Variants in DOCK9 observed in about 807,000 individuals in gnomAD.
DOCK9 encodes the protein dedicator of cytokinesis protein 9.
In DOCK9, 89 loss-of-function variants were observed where a neutral mutation model predicts 263.3. The ratio of observed to expected loss-of-function variants is 0.34; its 90% confidence interval spans 0.28 to 0.40. The LOEUF (loss-of-function observed/expected upper bound fraction) is 0.40. DOCK9 is among the 10% of genes least tolerant of loss of function. The pLI is 1.00. For missense variants in DOCK9, 2,140 were observed against 2,603.4 expected (o/e 0.82, Z 3.87); for synonymous variants, 976 against 973.1 (o/e 1.00, Z -0.06).
At chr13:98,877,385 C>G (rs965014843) in intron 27 of DOCK9, among the ~76,000 whole-genome samples, 4 of 152,194 alleles carry the variant, frequency 2.6e-5, no homozygotes, top group Non-Finnish European at 5.9e-5. Flanking sequence ...AGAAAGGTGT[C>G]ACTGGCGCTT....
intron 27 of DOCK9, among the ~76,000 whole-genome samples, chr13:98,870,579 A>C (rs1334748286): frequency 1.3e-5 from 2 of 152,204 alleles, no homozygotes; most frequent in African/African-American, 4.8e-5. Flanking sequence ...AAAACCAGGA[A>C]AAGTAGATGG....
rs186899348 is a variant in DOCK9, at chr13:98,876,504, T to C, written c.2943+3394A>G. Among the ~76,000 whole-genome samples the C allele has an allele frequency of 9.0e-4, 137 of 152,236 alleles. 2 individuals carry two copies. The highest frequency in any genetic ancestry group is 3.2e-3 in the African/African-American group (134 of 41,540). Reference sequence around the variant, plus strand: ...AAAAAATATTAAGGTCAGAATAAATTAATAATTTTGGTCTAAAAATATTAA... The same window carrying C: ...AAAAAATATTAAGGTCAGAATAAATCAATAATTTTGGTCTAAAAATATTAA... On this transcript the variant is annotated intron_variant, in intron 27 of 52. Transcript: ENST00000682017.
intron 1 of DOCK9, among the ~76,000 whole-genome samples, chr13:99,033,433 G>A (rs746285170): frequency 3.3e-5 from 5 of 152,198 alleles, no homozygotes; most frequent in Non-Finnish European, 5.9e-5. Context: ...ATGCATGAGC[G>A]GGAATGCCCG....
intron 2 of DOCK9, among the ~76,000 whole-genome samples, chr13:98,945,611 A>C (rs531425165): frequency 2.7e-4 from 41 of 152,320 alleles, no homozygotes; most frequent in African/African-American, 9.1e-4. Context: ...CCACCATCAC[A>C]GCCATCCATC....
intron 1 of DOCK9, among the ~76,000 whole-genome samples, chr13:98,969,550 C>T (rs2059530022): frequency 6.6e-6 from 1 of 152,118 alleles, no homozygotes; most frequent in South Asian, 2.1e-4. Context: ...GCAGAAGCCC[C>T]GTTAGTGAGG....
At chr13:98,810,816 G>C (rs1197556375) in intron 45 of DOCK9, among the ~76,000 whole-genome samples, 2 of 152,182 alleles carry the variant, frequency 1.3e-5, no homozygotes, top group Non-Finnish European at 2.9e-5. Flanking sequence ...TAAAACCCTT[G>C]AACTTTGGAG....
chr13:98,932,424 AAAC>A, intron 2 of DOCK9, among the ~76,000 whole-genome samples: 1 of 152,084 alleles, frequency 6.6e-6, no homozygotes, highest in South Asian at 2.1e-4. Flanking sequence ...ACAAACAAAC[AAAC>A]AAACAAAAAA....
At chr13:98,993,655 G>A (rs1347826135) in intron 1 of DOCK9, among the ~76,000 whole-genome samples, 1 of 152,186 alleles carries the variant, frequency 6.6e-6, no homozygotes, top group Non-Finnish European at 1.5e-5. Context: ...GCAGGAGAAT[G>A]GCGTGAACCC....
intron 38 of DOCK9, among the ~76,000 whole-genome samples, chr13:98,842,317 G>C (rs1333770887): frequency 1.3e-5 from 2 of 152,162 alleles, no homozygotes; most frequent in Non-Finnish European, 2.9e-5. Context: ...AGGCAGCTCA[G>C]CACATGCCAC....
At chr13:98,848,531 C>T in intron 37 of DOCK9, 61 bp downstream of exon 37, 1 of 1,557,216 alleles carries the variant, frequency 6.4e-7, no homozygotes, top group East Asian at 2.3e-5. Flanking sequence ...ACCAATCCCA[C>T]ACAATCAGAG....
chr13:99,073,370 CCTCTCT>C (rs146373817), intron 1 of DOCK9, among the ~76,000 whole-genome samples: 2 of 149,794 alleles, frequency 1.3e-5, no homozygotes, highest in African/African-American at 4.9e-5. Context: ...TTCTCTCTCT[CCTCTCT>C]CTCTCTCTCC....
intron 1 of DOCK9, among the ~76,000 whole-genome samples, chr13:99,048,287 A>T (rs2040530246): frequency 6.6e-6 from 1 of 152,196 alleles, no homozygotes; most frequent in South Asian, 2.1e-4. Flanking sequence ...ACGCCTGAAG[A>T]CAGCCAACCT....
At chr13:98,805,311 G>C in intron 48 of DOCK9, 102 bp from the exon 49 acceptor site, 1 of 1,013,476 alleles carries the variant, frequency 9.9e-7, no homozygotes, top group Admixed American at 2.1e-5. Context: ...AAATATAACG[G>C]AGAGAAGAGT....
At chr13:98,963,079 G>A (rs560398097) in intron 1 of DOCK9, among the ~76,000 whole-genome samples, 75 of 152,270 alleles carry the variant, frequency 4.9e-4, no homozygotes, top group African/African-American at 1.6e-3. Context: ...GGACACAGGT[G>A]AGCCACTGAT....
chr13:98,981,426 T>C (rs1877176073), upstream of DOCK9, among the ~76,000 whole-genome samples: 1 of 152,174 alleles, frequency 6.6e-6, no homozygotes, highest in South Asian at 2.1e-4. Flanking sequence ...CAATGTGCAA[T>C]ATACAAGGCT....
chr13:98,851,428 AGT>A (rs2093565521), intron 35 of DOCK9, among the ~76,000 whole-genome samples: 1 of 152,146 alleles, frequency 6.6e-6, no homozygotes, highest in Non-Finnish European at 1.5e-5. Context: ...CGGGGAGCTC[AGT>A]GCATGCTGGA....
At chr13:98,930,322 G>T in intron 2 of DOCK9, 65 bp from the exon 3 acceptor site, 1 of 1,373,044 alleles carries the variant, frequency 7.3e-7, no homozygotes, top group Non-Finnish European at 1.0e-6. Flanking sequence ...GCCTCAGAGT[G>T]CAGCTGTGTG....
chr13:99,058,282 G>A (rs1005655108), intron 1 of DOCK9, among the ~76,000 whole-genome samples: 4 of 151,036 alleles, frequency 2.6e-5, no homozygotes, highest in South Asian at 2.1e-4. Context: ...CTCCTGCCTC[G>A]GCCTCCTGAA....
intron 27 of DOCK9, 126 bp from the exon 28 acceptor site, chr13:98,868,503 C>A: frequency 9.0e-7 from 1 of 1,106,540 alleles, no homozygotes; most frequent in Non-Finnish European, 1.3e-6. Flanking sequence ...GTGGCTCACA[C>A]TTGTAACCCC....
Sources: gnomAD v4.1 joint callset for allele counts (sites outside exome capture counted in the v4.1 genomes callset) on GRCh38, gnomAD v4.1.1 for gene constraint, MANE v1.5 for transcripts, NCBI Gene and HGNC (gene_info 2026-07-23, HGNC 2026-07-21) for gene names.